TIMM9: variants seen among roughly 807,000 people sequenced by gnomAD.
The protein encoded by TIMM9 is translocase of inner mitochondrial membrane 9, also known as mitochondrial import inner membrane translocase subunit Tim9.
Under a neutral mutation model 13.4 loss-of-function variants are expected in TIMM9, and 10 were observed. The ratio of observed to expected loss-of-function variants is 0.75; its 90% CI spans 0.46 to 1.26. TIMM9 has a LOEUF of 1.26. TIMM9 is among the 50% of genes most tolerant of loss of function. TIMM9 has a pLI of 0.00. For synonymous variants in TIMM9, 32 were observed against 32.1 expected, an observed-to-expected ratio of 1.00 and a Z score of 0.01; for missense variants, 87 against 100.8, an observed-to-expected ratio of 0.86 and a Z score of 0.58.
rs530065846 is a variant in TIMM9, at chr14:58,419,308, A to C, written c.-27+4700T>G. Among the ~76,000 whole-genome samples, 4 of 152,226 alleles carry C rather than the reference A, an allele frequency of 2.6e-5. No individual in the cohort carries two copies. The South Asian group carries it at 8.3e-4, about 32-fold the overall frequency. ...GTCTGTACAAATAATTAAGAAAATTAGCTGGGCATGGTGTCACATGCCTGT... is the reference window on the plus strand; with the variant it reads ...GTCTGTACAAATAATTAAGAAAATTCGCTGGGCATGGTGTCACATGCCTGT... On this transcript the variant is annotated intron_variant, in intron 3 of 5. Coordinates refer to ENST00000395159, the MANE Select transcript of TIMM9 (RefSeq NM_012460.4).
intron 3 of TIMM9, among the ~76,000 whole-genome samples, chr14:58,423,389 A>G (rs549497865): frequency 6.6e-6 from 1 of 151,704 alleles, no homozygotes; most frequent in African/African-American, 2.4e-5. Flanking sequence ...ATGGTGGCAC[A>G]TGCCTATAAT....
At chr14:58,420,843 A>AT (rs2036570796) in intron 3 of TIMM9, among the ~76,000 whole-genome samples, 1 of 151,758 alleles carries the variant, frequency 6.6e-6, no homozygotes, top group African/African-American at 2.4e-5. Flanking sequence ...AATGGCTAAC[A>AT]TAAAAACAAA....
intron 3 of TIMM9, among the ~76,000 whole-genome samples, chr14:58,416,459 A>T (rs1377875921): frequency 6.6e-6 from 1 of 152,212 alleles, no homozygotes; most frequent in East Asian, 1.9e-4. Context: ...ACCTTGAGAA[A>T]TAAAGGAGAA....
intron 4 of TIMM9, among the ~76,000 whole-genome samples, chr14:58,411,373 G>C (rs563201875): frequency 1.3e-5 from 2 of 151,940 alleles, no homozygotes; most frequent in Non-Finnish European, 2.9e-5. Flanking sequence ...GCTTGGGCCC[G>C]GGAGATGGAG....
intron 3 of TIMM9, 175 bp downstream of exon 3, chr14:58,423,833 G>A (rs577754650): frequency 6.6e-6 from 1 of 152,272 alleles, no homozygotes; most frequent in Non-Finnish European, 1.5e-5. Flanking sequence ...GTTACCTTCT[G>A]ATTATATCCC....
At chr14:58,412,343 T>C (rs1163926694) in intron 3 of TIMM9, among the ~76,000 whole-genome samples, 3 of 152,206 alleles carry the variant, frequency 2.0e-5, no homozygotes, top group African/African-American at 7.2e-5. Context: ...GGTTTCACCA[T>C]GTTGGCAAGG....
chr14:58,417,525 G>A (rs2036452355), intron 3 of TIMM9, among the ~76,000 whole-genome samples: 1 of 139,302 alleles, frequency 7.2e-6, no homozygotes, highest in Non-Finnish European at 1.6e-5. Context: ...AAAAGGAAGT[G>A]GAGGTAAGGA....
chr14:58,427,415 T>G lies in TIMM9; in HGVS notation c.-327A>C. On this transcript the variant is annotated 5_prime_UTR_variant, in exon 1 of 6. Coordinates refer to ENST00000395159, the MANE Select transcript of TIMM9 (RefSeq NM_012460.4). The stretch of plus-strand genomic sequence containing the variant: ...ACCTAATCCCACGTCCCTAACGGTC[T>G]TCGGAAGCGAAGCAGTGTCAACAGT... 1.7e-6 allele frequency: 1 copy of G among 590,020 alleles called. No individual in the cohort carries two copies. Among genetic ancestry groups the G allele is most frequent in the Non-Finnish European group, 2.9e-6 (1 of 339,776 alleles). The allele number at this position is 590,020 out of a possible 1,614,324, so 36.5% of individuals were successfully genotyped here. A position where few individuals can be genotyped will look rare whatever the true frequency, so the allele number is the denominator to read the frequency against.
At chr14:58,422,928 C>A (rs1372336785) in intron 3 of TIMM9, among the ~76,000 whole-genome samples, 1 of 151,948 alleles carries the variant, frequency 6.6e-6, no homozygotes, top group African/African-American at 2.4e-5. Flanking sequence ...TGTGCCTCAG[C>A]CTCCTGAGTA....
At chr14:58,418,954 G>C (rs1025266065) in intron 3 of TIMM9, among the ~76,000 whole-genome samples, 1 of 151,944 alleles carries the variant, frequency 6.6e-6, no homozygotes, top group Non-Finnish European at 1.5e-5. Context: ...AATTTATATG[G>C]AAATTTATAT....
chr14:58,411,040 A>C, intron 4 of TIMM9, 102 bp from the exon 5 acceptor site: 1 of 759,684 alleles, frequency 1.3e-6, no homozygotes, highest in South Asian at 1.7e-5. Flanking sequence ...ATATACTATA[A>C]CACTTGAAAT....
chr14:58,413,831 C>G (rs1275259843), intron 3 of TIMM9, among the ~76,000 whole-genome samples: 5 of 150,996 alleles, frequency 3.3e-5, no homozygotes. Context: ...CACAGTGAAA[C>G]CCCGTCTTTA....
rs1428382444 is a variant in TIMM9, at chr14:58,408,954, G to A, written c.*80C>T. On this transcript the variant is annotated 3_prime_UTR_variant, in exon 6 of 6. Coordinates refer to ENST00000395159, the MANE Select transcript of TIMM9 (RefSeq NM_012460.4). ...AACATGGTGGCTACTGCTTTCAGGGGATTCTATCAGATGAGTCCTCATTTC... is the reference window on the plus strand; with the variant it reads ...AACATGGTGGCTACTGCTTTCAGGGAATTCTATCAGATGAGTCCTCATTTC... 2 of 1,539,042 alleles carry A rather than the reference G, an allele frequency of 1.3e-6. No individual in the cohort carries two copies. The highest frequency in any genetic ancestry group is 1.4e-5 in the African/African-American group (1 of 71,768).
chr14:58,412,134 T>C (rs914038755), intron 3 of TIMM9, 163 bp from the exon 4 acceptor site: 3 of 542,102 alleles, frequency 5.5e-6, no homozygotes, highest in African/African-American at 3.8e-5. Flanking sequence ...AACCTTACAG[T>C]TGAGAATTAG....
chr14:58,416,102 C>T (rs2140326086), intron 3 of TIMM9, among the ~76,000 whole-genome samples: 1 of 151,504 alleles, frequency 6.6e-6, no homozygotes, highest in East Asian at 1.9e-4. Context: ...GTGGCACACA[C>T]CTGTAATCCC....
At chr14:58,415,333 C>T (rs561959359) in intron 3 of TIMM9, among the ~76,000 whole-genome samples, 1 of 152,208 alleles carries the variant, frequency 6.6e-6, no homozygotes, top group East Asian at 1.9e-4. Context: ...TCACTCATCA[C>T]ACCAAGAACT....
At chr14:58,416,693 T>C (rs1420110643) in intron 3 of TIMM9, among the ~76,000 whole-genome samples, 8 of 152,372 alleles carry the variant, frequency 5.3e-5, no homozygotes, top group South Asian at 2.1e-4. Context: ...TGGTTCTAAA[T>C]GTATGTAGAC....
chr14:58,410,888 CA>C lies in TIMM9; in HGVS notation c.89del (p.Leu30TrpfsTer12). On this transcript the variant is annotated frameshift_variant, in exon 5 of 6. Transcript: ENST00000395159. LOFTEE classifies it high-confidence loss of function. ...TTGTTGTGAAGTCTTTAACACAGTC[CA>C]AAAAGCAGGTCTCTGTAAGTTTATT... ...TYNKLTETCF[L>X]DCVKDFTTRE... 6.2e-7 allele frequency: 1 copy of C among 1,612,962 alleles called. No homozygotes were observed. Among genetic ancestry groups the C allele is most frequent in the Non-Finnish European group, 8.5e-7 (1 of 1,179,684 alleles).
intron 3 of TIMM9, among the ~76,000 whole-genome samples, chr14:58,419,505 A>G (rs1351692766): frequency 2.4e-5 from 3 of 122,468 alleles, no homozygotes; most frequent in African/African-American, 6.2e-5. Flanking sequence ...ACACACACAC[A>G]AACACATACA....
Sources: allele counts gnomAD v4.1 joint callset (sites outside exome capture counted in the v4.1 genomes callset), GRCh38; gene constraint gnomAD v4.1.1; transcripts MANE v1.5; gene names NCBI Gene and HGNC (gene_info 2026-07-23, HGNC 2026-07-21).